Variants in CCP110 observed in about 807,000 individuals in gnomAD.
CCP110 encodes centriolar coiled-coil protein 110, also known as centriolar coiled-coil protein of 110 kDa.
A neutral mutation model predicts 105.5 loss-of-function variants in CCP110; 43 were observed. The ratio of observed to expected loss-of-function variants is 0.41; its 90% CI spans 0.32 to 0.53. The LOEUF (loss-of-function observed/expected upper bound fraction) is 0.53, where lower values mean the gene tolerates loss of function less well. CCP110 is among the 20% of genes least tolerant of loss of function. The pLI is 0.32. For synonymous variants in CCP110, 353 were observed against 392.1 expected (o/e 0.90, Z 1.18); for missense variants, 1,016 against 1,189.1 (o/e 0.85, Z 2.14).
In CCP110 at chr16:19,548,096, A is replaced by C; in HGVS notation, c.2900+82A>C. On this transcript the variant is annotated intron_variant, in intron 13 of 14. Transcript: ENST00000381396. The surrounding 1 kb of genome is among the most constrained non-coding windows in gnomAD (Gnocchi z 4.1). ...GGGAAAAATAAATCTAGTGTTCTTTATGTAAAGGATAATGGTTTTTCAATG... is the reference window on the plus strand; with the variant it reads ...GGGAAAAATAAATCTAGTGTTCTTTCTGTAAAGGATAATGGTTTTTCAATG... 3 of 975,538 alleles carry C rather than the reference A, an allele frequency of 3.1e-6. No individual in the cohort carries two copies. The highest frequency in any genetic ancestry group is 4.9e-6 in the Non-Finnish European group (3 of 610,968). 60.4% of individuals were successfully genotyped at this position (975,538 alleles called of 1,614,324 possible).
chr16:19,532,533 G>C (rs1969910133), exon 3 of CCP110: 2 of 1,606,664 alleles, frequency 1.2e-6, no homozygotes, highest in Non-Finnish European at 1.7e-6. Flanking sequence ...GGAGATTCTT[G>C]ACAATGTTCA....
intron 3 of CCP110, among the ~76,000 whole-genome samples, chr16:19,533,649 G>A (rs1273300908): frequency 6.6e-6 from 1 of 152,152 alleles, no homozygotes; most frequent in Non-Finnish European, 1.5e-5. Context: ...GCAGAGTAGA[G>A]GAAGAAGTCA....
chr16:19,551,755 CT>C (rs1476410570), exon 15 of CCP110: 1 of 152,088 alleles, frequency 6.6e-6, no homozygotes, highest in East Asian at 2.0e-4. Context: ...CTTTCTTTGA[CT>C]TACAGTATAA....
rs567612351 is a variant in CCP110, at chr16:19,536,799, G to A, written c.1130G>A (p.Arg377Gln). ...CCAAGTATGAGTCCTAAAATGCACC[G>A]AAGACGTTCCAGGACATCATCAGCG... The change falls in exon 4 of 15, where the codon CGA (arginine) becomes CAA (glutamine). Residue 377 changes from arginine (R) to glutamine (Q), a missense_variant. By Grantham distance (43) the Arg-to-Gln change is conservative. Coordinates refer to ENST00000381396, the Ensembl canonical transcript of CCP110. 14 of 1,614,056 alleles carry A rather than the reference G, an allele frequency of 8.7e-6. No homozygotes were observed. Among genetic ancestry groups the A allele is most frequent in the East Asian group, 4.5e-5 (2 of 44,880 alleles).
At chr16:19,549,605 A>G (rs1400213167) in intron 14 of CCP110, among the ~76,000 whole-genome samples, 1 of 152,262 alleles carries the variant, frequency 6.6e-6, no homozygotes, top group East Asian at 1.9e-4. Flanking sequence ...AAAGGATTAC[A>G]TAGCTGAAGA....
Position 19,536,716 on chromosome 16 carries a change from C to T in CCP110, c.1047C>T (p.Thr349=), listed in dbSNP as rs745893191. The T allele has an allele frequency of 3.0e-5, 49 of 1,613,932 alleles. No homozygotes were observed. In the Middle Eastern group the frequency reaches 4.9e-4, roughly 16 times the overall value. ...TTAAAGTTATTCCCACTTTTGTTAC[C>T]GAAAATAATGTTATCAAAAGTCTTA... is the stretch of plus-strand genomic sequence containing the variant. Residue 349 remains threonine (T), a synonymous_variant, in exon 4 of 15, where the codon ACC becomes ACT. Transcript: ENST00000381396.
chr16:19,527,675 AT>A (rs1969719309), intron 1 of CCP110, among the ~76,000 whole-genome samples, 191 bp from the exon 2 acceptor site: 2 of 152,194 alleles, frequency 1.3e-5, no homozygotes, highest in South Asian at 4.1e-4. Context: ...TATAAAGTAA[AT>A]CTTAATTGGA....
intron 6 of CCP110, among the ~76,000 whole-genome samples, 158 bp downstream of exon 6, chr16:19,542,222 G>C (rs1273679660): frequency 6.6e-6 from 1 of 152,178 alleles, no homozygotes; most frequent in Non-Finnish European, 1.5e-5. Flanking sequence ...CATGATAGGA[G>C]ATCAAAGACT....
intron 6 of CCP110, 21 bp downstream of exon 6, chr16:19,542,085 T>C: frequency 6.7e-7 from 1 of 1,503,364 alleles, no homozygotes; most frequent in Non-Finnish European, 9.0e-7. Context: ...AAAAATCCTT[T>C]TACATTTGGG....
chr16:19,540,654 C>T lies in CCP110; in HGVS notation c.1919-3C>T. Reference sequence around the variant, plus strand: ...TAAATTGAGGAAACATGTTTCTTTTCAGAAAGCGAGGAGTTACTAAAAAGC... The same window carrying T: ...TAAATTGAGGAAACATGTTTCTTTTTAGAAAGCGAGGAGTTACTAAAAAGC... On this transcript the variant is annotated splice_polypyrimidine_tract_variant and splice_region_variant and intron_variant, in intron 4 of 14. Coordinates refer to ENST00000381396, the Ensembl canonical transcript of CCP110. 1 of 1,607,188 alleles carries T rather than the reference C, an allele frequency of 6.2e-7. No homozygotes were observed. The highest frequency in any genetic ancestry group is 8.5e-7 in the Non-Finnish European group (1 of 1,177,108).
intron 12 of CCP110, 133 bp from the exon 13 acceptor site, chr16:19,547,822 G>A (rs563105357): frequency 1.5e-6 from 1 of 663,308 alleles, no homozygotes; most frequent in Non-Finnish European, 2.7e-6. Flanking sequence ...GCTCTGATTT[G>A]TGGTAATATA....
At chr16:19,546,345 T>C in intron 11 of CCP110, 67 bp from the exon 12 acceptor site, 1 of 906,948 alleles carries the variant, frequency 1.1e-6, no homozygotes, top group Non-Finnish European at 1.8e-6. Flanking sequence ...CATCCTGTAT[T>C]ACATTTGTAA....
intron 3 of CCP110, among the ~76,000 whole-genome samples, chr16:19,533,096 T>C (rs1266345270): frequency 1.3e-5 from 2 of 152,244 alleles, no homozygotes; most frequent in Admixed American, 1.3e-4. Flanking sequence ...GACATGTGGA[T>C]CATTTTGTAC....
intron 14 of CCP110, among the ~76,000 whole-genome samples, chr16:19,550,104 C>T (rs1055650301): frequency 1.5e-4 from 23 of 151,996 alleles, no homozygotes; most frequent in Non-Finnish European, 3.1e-4. Flanking sequence ...TAAAGATTTA[C>T]TTATACATGA....
At chr16:19,543,699 C>T (rs1261802023) in intron 8 of CCP110, among the ~76,000 whole-genome samples, 1 of 152,032 alleles carries the variant, frequency 6.6e-6, no homozygotes, top group East Asian at 1.9e-4. Context: ...GGAATGCATC[C>T]CTGGGGGGAG....
exon 7 of CCP110, chr16:19,542,714 T>C (rs1970330826): frequency 1.2e-6 from 2 of 1,613,662 alleles, no homozygotes; most frequent in Non-Finnish European, 1.7e-6. Context: ...TTGACCAAAC[T>C]CTCAGTAACA....
At chr16:19,542,051 T>A (rs776046434) in exon 6 of CCP110, 1 of 1,570,878 alleles carries the variant, frequency 6.4e-7, no homozygotes, top group East Asian at 2.3e-5. Flanking sequence ...ATACTTCAAA[T>A]TCAAATAGTT....
exon 9 of CCP110, chr16:19,544,849 G>A: frequency 6.2e-7 from 1 of 1,606,750 alleles, no homozygotes. Flanking sequence ...TTAAAGAGAG[G>A]CATTGTTTCA....
intron 5 of CCP110, 56 bp from the exon 6 acceptor site, chr16:19,541,831 C>T: frequency 7.0e-6 from 7 of 1,000,436 alleles, no homozygotes; most frequent in Non-Finnish European, 9.9e-6. Flanking sequence ...AAAATGATAT[C>T]ATTTTGGGAC....
Sources: allele counts gnomAD v4.1 joint callset (sites outside exome capture counted in the v4.1 genomes callset), GRCh38; gene constraint gnomAD v4.1.1; non-coding constraint Gnocchi (gnomAD v3.1); transcripts MANE v1.5; gene names NCBI Gene and HGNC (gene_info 2026-07-23, HGNC 2026-07-21).